Variants in ELMOD1 observed in about 807,000 individuals in gnomAD.
The protein encoded by ELMOD1 is ELMO domain-containing protein 1.
ELMOD1 carries 21 observed loss-of-function variants against 46.7 expected under a neutral mutation model. The ratio of observed to expected loss-of-function variants is 0.45; its 90% CI spans 0.32 to 0.65. The LOEUF is 0.65. Ranked by LOEUF, ELMOD1 falls within the 30% of genes least tolerant of loss-of-function variation. The probability of loss-of-function intolerance (pLI) is 0.04; values close to 1 mark genes in which losing one functional copy is unlikely to be tolerated. For missense variants in ELMOD1, 348 were observed against 407.8 expected (o/e 0.85, Z 1.26); for synonymous variants, 122 against 138.2 (o/e 0.88, Z 0.82).
chr11:107,657,364 C>T (rs994831007), intron 11 of ELMOD1, among the ~76,000 whole-genome samples: 2 of 151,996 alleles, frequency 1.3e-5, no homozygotes, highest in Middle Eastern at 3.2e-3. Flanking sequence ...GGCAACATAG[C>T]GAGACCCTGA....
At chr11:107,604,004 A>T (rs1421750437) in intron 1 of ELMOD1, among the ~76,000 whole-genome samples, 2 of 152,242 alleles carry the variant, frequency 1.3e-5, no homozygotes, top group Non-Finnish European at 2.9e-5. Context: ...GCCTTTTAAG[A>T]AGCAGCTTTG....
intron 1 of ELMOD1, chr11:107,600,582 T>A (rs1317677254): frequency 1.3e-5 from 2 of 152,494 alleles, no homozygotes; most frequent in Non-Finnish European, 2.9e-5. Flanking sequence ...ATCTGACCCT[T>A]AATTATTTTT....
intron 1 of ELMOD1, among the ~76,000 whole-genome samples, chr11:107,607,306 C>T (rs1458574052): frequency 1.3e-5 from 2 of 152,184 alleles, no homozygotes; most frequent in Admixed American, 6.5e-5. Flanking sequence ...TTTTAATTGT[C>T]ATTGAAACTT....
At chr11:107,611,789 T>G (rs991648820) in intron 1 of ELMOD1, among the ~76,000 whole-genome samples, 1 of 142,500 alleles carries the variant, frequency 7.0e-6, no homozygotes, top group African/African-American at 2.6e-5. Context: ...CCAACAAACA[T>G]GAAGAAAATG....
rs1405151460 is a variant in ELMOD1, at chr11:107,665,879, T to C, written c.*682T>C. On this transcript the variant is annotated 3_prime_UTR_variant, in exon 12 of 12. Coordinates refer to ENST00000265840, the MANE Select transcript of ELMOD1 (RefSeq NM_018712.4). Reference sequence around the variant, plus strand: ...CGGGAGGCTGAGGCAGGAGAATCGCTTGAACCCGGGAGGTGGAGGTTACAG... The same window carrying C: ...CGGGAGGCTGAGGCAGGAGAATCGCCTGAACCCGGGAGGTGGAGGTTACAG... 1 of 151,780 alleles carries C rather than the reference T, an allele frequency of 6.6e-6. No individual in the cohort carries two copies. The highest frequency in any genetic ancestry group is 1.9e-4 in the East Asian group (1 of 5,174). 9.4% of individuals were successfully genotyped at this position (151,780 alleles called of 1,614,324 possible).
At chr11:107,632,334 A>T (rs993457596) in intron 5 of ELMOD1, among the ~76,000 whole-genome samples, 2 of 152,230 alleles carry the variant, frequency 1.3e-5, no homozygotes, top group African/African-American at 2.4e-5. Context: ...ATGCAGATAT[A>T]TTTAGAGAAG....
At chr11:107,616,039 A>C (rs896027365) in intron 1 of ELMOD1, among the ~76,000 whole-genome samples, 4 of 119,362 alleles carry the variant, frequency 3.4e-5, no homozygotes, top group Non-Finnish European at 6.4e-5. Flanking sequence ...TTTGTTGCCC[A>C]GGCTGGAGTG....
chr11:107,609,964 GTTTGT>G (rs1865748742), intron 1 of ELMOD1, among the ~76,000 whole-genome samples: 3 of 152,148 alleles, frequency 2.0e-5, no homozygotes, highest in Non-Finnish European at 4.4e-5. Context: ...GAGATTTGCA[GTTTGT>G]TTTATTAGTA....
In ELMOD1 at chr11:107,664,875, C is replaced by G. The variant is rs143895965; in HGVS notation, c.833-150C>G. On this transcript the variant is annotated intron_variant, in intron 11 of 11. Coordinates refer to ENST00000265840, the MANE Select transcript of ELMOD1 (RefSeq NM_018712.4). ...ACTGATTTTAAAGAATAATCTTAAA[C>G]AGTGGTATTTTCTAGATTTTGAGGT... 80 of 689,852 alleles carry G rather than the reference C, an allele frequency of 1.2e-4. No homozygotes were observed. The East Asian group carries it at 2.1e-3, about 18-fold the overall frequency. The allele number at this position is 689,852 out of a possible 1,614,324, so 42.7% of individuals were successfully genotyped here. A position where few individuals can be genotyped will look rare whatever the true frequency, so the allele number is the denominator to read the frequency against.
intron 2 of ELMOD1, among the ~76,000 whole-genome samples, chr11:107,628,352 A>C (rs1288310612): frequency 1.3e-5 from 2 of 152,018 alleles, no homozygotes; most frequent in Non-Finnish European, 2.9e-5. Context: ...TTTTTAGTAG[A>C]GATGGGGTTT....
intron 2 of ELMOD1, chr11:107,625,681 C>A: frequency 4.1e-6 from 2 of 483,768 alleles, no homozygotes; most frequent in Non-Finnish European, 5.4e-6. Context: ...GAGATATGAT[C>A]CATTTCGAAT....
chr11:107,663,310 A>G (rs575269838), intron 11 of ELMOD1, among the ~76,000 whole-genome samples: 1 of 152,202 alleles, frequency 6.6e-6, no homozygotes, highest in South Asian at 2.1e-4. Flanking sequence ...AAAACAGTCA[A>G]TTCTAGTGTG....
chr11:107,643,222 C>T (rs1866357615), intron 6 of ELMOD1: 1 of 180,666 alleles, frequency 5.5e-6, no homozygotes, highest in African/African-American at 2.4e-5. Context: ...CAAAAATTAG[C>T]TGGGCATTGT....
intron 10 of ELMOD1, among the ~76,000 whole-genome samples, chr11:107,655,684 AT>A (rs748934098): frequency 5.3e-4 from 79 of 148,514 alleles, no homozygotes; most frequent in Middle Eastern, 3.6e-3. Context: ...CTGGTTGGCT[AT>A]TTTTATGGTT....
At chr11:107,636,896 C>T (rs1866238716) in intron 6 of ELMOD1, among the ~76,000 whole-genome samples, 1 of 151,868 alleles carries the variant, frequency 6.6e-6, no homozygotes, top group Non-Finnish European at 1.5e-5. Context: ...CAAAATTACC[C>T]AAACATAGGA....
At chr11:107,613,488 A>G (rs781336747) in intron 1 of ELMOD1, among the ~76,000 whole-genome samples, 9 of 152,156 alleles carry the variant, frequency 5.9e-5, no homozygotes, top group Non-Finnish European at 1.3e-4. Flanking sequence ...TCTTAATAGG[A>G]AGGCTCTTTT....
chr11:107,620,711 G>A (rs556560546), intron 2 of ELMOD1, among the ~76,000 whole-genome samples: 1 of 152,184 alleles, frequency 6.6e-6, no homozygotes, highest in East Asian at 1.9e-4. Flanking sequence ...TAAAAATACA[G>A]AAATTAACTG....
intron 11 of ELMOD1, among the ~76,000 whole-genome samples, chr11:107,657,111 T>C (rs1866648034): frequency 6.6e-6 from 1 of 152,182 alleles, no homozygotes; most frequent in African/African-American, 2.4e-5. Context: ...ACCAAGGTTC[T>C]AATCATTGTG....
chr11:107,637,970 G>A (rs1453232522), intron 6 of ELMOD1, among the ~76,000 whole-genome samples: 2 of 152,032 alleles, frequency 1.3e-5, no homozygotes, highest in African/African-American at 2.4e-5. Flanking sequence ...GAAAGCCCAC[G>A]CATCTTAGCA....
Sources: allele counts gnomAD v4.1 joint callset (sites outside exome capture counted in the v4.1 genomes callset), GRCh38; gene constraint gnomAD v4.1.1; transcripts MANE v1.5; gene names NCBI Gene and HGNC (gene_info 2026-07-23, HGNC 2026-07-21).